The following DCAF1 variants were observed in gnomAD, a reference collection of about 807,000 sequenced individuals.
The protein encoded by DCAF1 is DDB1 and CUL4 associated factor 1, also known as DDB1- and CUL4-associated factor 1.
A neutral mutation model predicts 128.0 loss-of-function variants in DCAF1; 15 were observed. That is an observed-to-expected ratio of 0.12 (90% CI 0.08 to 0.18). The LOEUF (loss-of-function observed/expected upper bound fraction) is 0.18, where lower values mean the gene tolerates loss of function less well. Ranked by LOEUF, DCAF1 falls within the 10% of genes least tolerant of loss-of-function variation. The pLI is 1.00. For synonymous variants in DCAF1, 610 were observed against 603.0 expected (o/e 1.01, Z -0.17); for missense variants, 988 against 1,649.5 (o/e 0.60, Z 6.95).
chr3:51,485,981 T>C (rs973890867), intron 2 of DCAF1, among the ~76,000 whole-genome samples: 9 of 151,630 alleles, frequency 5.9e-5, no homozygotes, highest in African/African-American at 1.9e-4. Flanking sequence ...AACGTCTACC[T>C]GCTGGGTTCA....
chr3:51,498,885 A>T (rs1708527734), intron 1 of DCAF1, among the ~76,000 whole-genome samples: 1 of 152,234 alleles, frequency 6.6e-6, no homozygotes, highest in Admixed American at 6.5e-5. Flanking sequence ...GCAGGATGAT[A>T]TTACCAATTA....
At chr3:51,414,163 G>A (rs1698675771) in intron 19 of DCAF1, 120 bp from the exon 20 acceptor site, 1 of 1,322,872 alleles carries the variant, frequency 7.6e-7, no homozygotes, top group Non-Finnish European at 1.0e-6. Flanking sequence ...AAAAGTCAAT[G>A]AGATCAAGGT....
chr3:51,463,001 T>C, intron 6 of DCAF1, 113 bp downstream of exon 6: 3 of 529,618 alleles, frequency 5.7e-6, no homozygotes, highest in Non-Finnish European at 9.2e-6. Flanking sequence ...TTATAACATA[T>C]ATTACTATAT....
chr3:51,502,200 C>T (rs1447205463), upstream of DCAF1, among the ~76,000 whole-genome samples: 1 of 152,202 alleles, frequency 6.6e-6, no homozygotes, highest in African/African-American at 2.4e-5. Context: ...TCACGCGCTC[C>T]TGGCACTGCC....
At chr3:51,502,387 C>T (rs782752699), upstream of DCAF1, among the ~76,000 whole-genome samples, 24 of 152,114 alleles carry the variant, frequency 1.6e-4, no homozygotes, top group Middle Eastern at 3.4e-3. Flanking sequence ...GCTCCACTGT[C>T]TCTACAAAAT....
At chr3:51,421,730 T>C (rs1699408420) in intron 14 of DCAF1, among the ~76,000 whole-genome samples, 1 of 152,180 alleles carries the variant, frequency 6.6e-6, no homozygotes, top group African/African-American at 2.4e-5. Context: ...CTTCCCATGC[T>C]CACCCCAGCA....
At chr3:51,409,227 A>G (rs188666349) in intron 23 of DCAF1, among the ~76,000 whole-genome samples, 41 of 152,322 alleles carry the variant, frequency 2.7e-4, no homozygotes, top group African/African-American at 8.7e-4. Context: ...GTGGGATAAG[A>G]GGAGTATAAC....
Position 51,441,842 on chromosome 3 carries a change from C to A in DCAF1, c.569G>T (p.Arg190Leu), listed in dbSNP as rs900782033. 1 of 1,612,878 alleles carries A rather than the reference C, an allele frequency of 6.2e-7. No individual in the cohort carries two copies. Among genetic ancestry groups the A allele is most frequent in the Non-Finnish European group, 8.5e-7 (1 of 1,179,858 alleles). Reference protein sequence around the residue: ...RELQLQEVALRQENKRPSPRK... With the variant: ...RELQLQEVALLQENKRPSPRK... ...TGGACTGGGACGCTTGTTTTCCTGC[C>A]GCAAAGCCACTTCCTGTAGCTGTAG... Residue 190 changes from arginine to leucine, a missense_variant, in exon 8 of 25, where the codon CGG becomes CTG. Arg to Leu is a moderately radical substitution (Grantham distance 102). Around this residue, in one of 11 missense-constraint regions of DCAF1, gnomAD observed 210 missense variants for 260.2 expected, o/e 0.81. Coordinates refer to ENST00000684031, the MANE Select transcript of DCAF1 (RefSeq NM_001387579.1).
chr3:51,445,988 T>C (rs1701809110), intron 6 of DCAF1, among the ~76,000 whole-genome samples: 1 of 147,722 alleles, frequency 6.8e-6, no homozygotes, highest in Non-Finnish European at 1.5e-5. Context: ...AAACCTAAGT[T>C]CTTTTTTTTT....
chr3:51,416,983 A>T, intron 17 of DCAF1, 112 bp from the exon 18 acceptor site: 1 of 1,480,066 alleles, frequency 6.8e-7, no homozygotes, highest in South Asian at 1.2e-5. Flanking sequence ...TCACCTAAAG[A>T]TCCTGGACTC....
chr3:51,416,723 A>G (rs547764563), intron 18 of DCAF1, 64 bp downstream of exon 18: 1 of 1,554,988 alleles, frequency 6.4e-7, no homozygotes, highest in South Asian at 1.2e-5. Context: ...CATTCTATCA[A>G]GAAGATTTCA....
intron 2 of DCAF1, among the ~76,000 whole-genome samples, chr3:51,494,258 G>A (rs1707994672): frequency 6.6e-6 from 1 of 151,510 alleles, no homozygotes; most frequent in African/African-American, 2.4e-5. Flanking sequence ...GGGACTACAG[G>A]CACCGGCCAC....
chr3:51,418,139 T>G lies in DCAF1; in HGVS notation c.3495A>C (p.Gly1165=). 6.2e-7 allele frequency: 1 copy of G among 1,612,622 alleles called. No individual in the cohort carries two copies. Among genetic ancestry groups the G allele is most frequent in the Non-Finnish European group, 8.5e-7 (1 of 1,179,406 alleles). Reference sequence around the variant, plus strand: ...ACTTCATATCAAATACTGACTTCATTCCCCAAAGTGCAGACAAAGGCTGGC... The same window carrying G: ...ACTTCATATCAAATACTGACTTCATGCCCCAAAGTGCAGACAAAGGCTGGC... ...TWSQPLSALW[G]MKSVFDMKHS... The change falls in exon 17 of 25, where the codon GGA becomes GGC. Residue 1165 remains glycine, a synonymous_variant. Transcript: ENST00000684031.
At chr3:51,446,137 G>A (rs1265495713) in intron 6 of DCAF1, among the ~76,000 whole-genome samples, 1 of 151,824 alleles carries the variant, frequency 6.6e-6, no homozygotes, top group Non-Finnish European at 1.5e-5. Flanking sequence ...GGGATTATAG[G>A]TGCACACCAA....
chr3:51,449,619 A>C (rs1553641031), intron 6 of DCAF1, among the ~76,000 whole-genome samples: 1 of 152,214 alleles, frequency 6.6e-6, no homozygotes, highest in Non-Finnish European at 1.5e-5. Context: ...AGAAAAAAAC[A>C]ATACTCAAAG....
intron 2 of DCAF1, among the ~76,000 whole-genome samples, chr3:51,495,776 G>A (rs782353018): frequency 5.3e-5 from 8 of 151,918 alleles, no homozygotes. Flanking sequence ...TTCAATGTTC[G>A]TTTTTTTGTG....
chr3:51,443,708 A>G (rs1559518463), intron 7 of DCAF1, 58 bp downstream of exon 7: 12 of 1,470,750 alleles, frequency 8.2e-6, no homozygotes, highest in Non-Finnish European at 1.1e-5. Context: ...TTCAAGTAAC[A>G]AGAACCTGTG....
chr3:51,400,801 G>A (rs192089767), intron 24 of DCAF1, among the ~76,000 whole-genome samples: 16 of 152,144 alleles, frequency 1.1e-4, no homozygotes, highest in African/African-American at 3.6e-4. Flanking sequence ...ACAACATACA[G>A]GTTCTGGAGG....
At chr3:51,456,292 C>A (rs1338565352) in intron 6 of DCAF1, among the ~76,000 whole-genome samples, 1 of 152,214 alleles carries the variant, frequency 6.6e-6, no homozygotes, top group Non-Finnish European at 1.5e-5. Context: ...CCTACGCCCA[C>A]AGAGTCTCCC....
Sources: allele counts gnomAD v4.1 joint callset (sites outside exome capture counted in the v4.1 genomes callset), GRCh38; gene constraint gnomAD v4.1.1; regional missense constraint gnomAD v4.1.1; transcripts MANE v1.5; gene names NCBI Gene and HGNC (gene_info 2026-07-23, HGNC 2026-07-21).